RGS17: variants seen among roughly 807,000 people sequenced by gnomAD.
RGS17 encodes regulator of G protein signaling 17.
In RGS17, 12 loss-of-function variants were observed where a neutral mutation model predicts 25.5. That is an observed-to-expected ratio of 0.47 (90% confidence interval 0.30 to 0.76). The LOEUF (loss-of-function observed/expected upper bound fraction) is 0.76, where lower values mean the gene tolerates loss of function less well. Among genes scored for constraint, RGS17 ranks in the 30% least tolerant of loss-of-function variants. The pLI, the probability that RGS17 is intolerant of heterozygous loss-of-function variation, is 0.07. For synonymous variants in RGS17, 71 were observed against 76.9 expected (o/e 0.92, Z 0.40); for missense variants, 196 against 242.2 (o/e 0.81, Z 1.27).
In RGS17 at chr6:153,006,099, C is replaced by T. The variant is rs1248176470; in HGVS notation, c.*5475G>A. ...CTCCTGGGCTCAAGTGATCCTCACG[C>T]CTTAGTCTCCCAAAGTGCTGGGATT... is the stretch of plus-strand genomic sequence containing the variant. On this transcript the variant is annotated 3_prime_UTR_variant, in exon 5 of 5. Transcript: ENST00000206262. The T allele has an allele frequency of 6.6e-6, 1 of 152,186 alleles. No homozygotes were observed. Among genetic ancestry groups the T allele is most frequent in the Non-Finnish European group, 1.5e-5 (1 of 68,026 alleles). 9.4% of individuals were successfully genotyped at this position (152,186 alleles called of 1,614,324 possible).
At chr6:153,103,868 C>CA (rs1259632737) in intron 1 of RGS17, among the ~76,000 whole-genome samples, 2 of 152,164 alleles carry the variant, frequency 1.3e-5, no homozygotes, top group African/African-American at 4.8e-5. Context: ...TTAAAATTGT[C>CA]AGAGTGACCT....
intron 2 of RGS17, among the ~76,000 whole-genome samples, chr6:153,039,226 G>C (rs781220277): frequency 8.5e-5 from 13 of 152,128 alleles, no homozygotes; most frequent in African/African-American, 1.2e-4. Flanking sequence ...GTTCCACCTC[G>C]ATCCCTAATG....
rs1779111337 is a variant in RGS17, at chr6:153,009,601, T to G, written c.*1973A>C. ...TAAATGACATGAATAAAATATGTCT[T>G]AACACACTAACACTTTCAGAAAACA... On this transcript the variant is annotated 3_prime_UTR_variant, in exon 5 of 5. Transcript: ENST00000206262. 1 of 151,950 alleles carries G rather than the reference T, an allele frequency of 6.6e-6. No individual in the cohort carries two copies. The highest frequency in any genetic ancestry group is 1.5e-5 in the Non-Finnish European group (1 of 67,856). 9.4% of individuals were successfully genotyped at this position (151,950 alleles called of 1,614,324 possible). A position where few individuals can be genotyped will look rare whatever the true frequency, so the allele number is the denominator to read the frequency against.
chr6:153,041,788 G>A (rs1334631908), intron 2 of RGS17, among the ~76,000 whole-genome samples: 1 of 152,124 alleles, frequency 6.6e-6, no homozygotes, highest in Non-Finnish European at 1.5e-5. Flanking sequence ...GATAATTTTT[G>A]TGTTATAGCC....
At chr6:153,089,530 G>C (rs1179369424) in intron 1 of RGS17, among the ~76,000 whole-genome samples, 2 of 152,032 alleles carry the variant, frequency 1.3e-5, no homozygotes, top group Admixed American at 1.3e-4. Context: ...TGGTACTTTA[G>C]TCTGCGTGTA....
intron 1 of RGS17, among the ~76,000 whole-genome samples, chr6:153,080,688 G>T (rs1776963040): frequency 6.6e-6 from 1 of 151,850 alleles, no homozygotes; most frequent in South Asian, 2.1e-4. Flanking sequence ...GAAATTGTAG[G>T]TAATTGAGTT....
At chr6:153,016,596 G>A (rs755172856) in intron 4 of RGS17, among the ~76,000 whole-genome samples, 18 of 151,902 alleles carry the variant, frequency 1.2e-4, no homozygotes, top group Admixed American at 4.6e-4. Context: ...TAATTTTTTT[G>A]CAAGCTAAAA....
At chr6:153,041,614 C>G (rs1220105501) in intron 2 of RGS17, among the ~76,000 whole-genome samples, 1 of 152,250 alleles carries the variant, frequency 6.6e-6, no homozygotes, top group South Asian at 2.1e-4. Context: ...GTGTTTTAAT[C>G]CCAAAGCAAT....
At chr6:153,106,477 G>T (rs1777386283) in intron 1 of RGS17, among the ~76,000 whole-genome samples, 2 of 151,472 alleles carry the variant, frequency 1.3e-5, no homozygotes, top group African/African-American at 4.9e-5. Flanking sequence ...GGGATGAAGA[G>T]GCTGGCCCTT....
At chr6:153,031,288 T>C (rs1487164864) in intron 2 of RGS17, among the ~76,000 whole-genome samples, 1 of 152,136 alleles carries the variant, frequency 6.6e-6, no homozygotes, top group Non-Finnish European at 1.5e-5. Context: ...AAACAAAAAA[T>C]AAAAGCTTGT....
rs1562333183 is a variant in RGS17, at chr6:153,097,289, GATTTT to G, written c.-26+33830_-26+33834del. Among the ~76,000 whole-genome samples the G allele has an allele frequency of 2.5e-3, 192 of 77,272 alleles. 4 individuals carry two copies. Among genetic ancestry groups the G allele is most frequent in the African/African-American group, 8.4e-3 (174 of 20,728 alleles). The allele number at this position is 77,272 out of a possible 152,430, so 50.7% of individuals were successfully genotyped here. ...AGGGCTTAGACAATAGCGTTTTTTT[GATTTT>G]TTTTTTTTTTTTTTTTTTTTTTTTG... On this transcript the variant is annotated intron_variant, in intron 1 of 4. Transcript: ENST00000206262.
At chr6:153,037,832 T>C (rs1399979581) in intron 2 of RGS17, among the ~76,000 whole-genome samples, 1 of 152,172 alleles carries the variant, frequency 6.6e-6, no homozygotes, top group African/African-American at 2.4e-5. Flanking sequence ...ATCTATGTAA[T>C]ATAATTTTTA....
rs536138638 is a variant in RGS17, at chr6:153,045,880, A to C, written c.-25-1837T>G. ...TTTCCAATTTGGATGCCTTTTGGAT[A>C]CGTGCACCTCCATGTTGACTGCAGC... On this transcript the variant is annotated intron_variant, in intron 1 of 4. Coordinates refer to ENST00000206262, the MANE Select transcript of RGS17 (RefSeq NM_012419.5). Among the ~76,000 whole-genome samples the C allele has an allele frequency of 2.0e-5, 3 of 152,342 alleles. No individual in the cohort carries two copies. The East Asian group carries it at 5.8e-4, about 29-fold the overall frequency.
intron 1 of RGS17, among the ~76,000 whole-genome samples, chr6:153,108,050 A>ATG: frequency 6.6e-6 from 1 of 152,308 alleles, no homozygotes; most frequent in Non-Finnish European, 1.5e-5. Context: ...CCCTGAGTTC[A>ATG]TGTCAGTTAT....
At chr6:153,030,251 G>A (rs1476943846) in intron 2 of RGS17, among the ~76,000 whole-genome samples, 1 of 152,144 alleles carries the variant, frequency 6.6e-6, no homozygotes, top group Non-Finnish European at 1.5e-5. Context: ...AACATTACCT[G>A]CTGCCAATTA....
At chr6:153,096,127 G>A (rs1777207905) in intron 1 of RGS17, among the ~76,000 whole-genome samples, 1 of 152,164 alleles carries the variant, frequency 6.6e-6, no homozygotes, top group Non-Finnish European at 1.5e-5. Flanking sequence ...AGGAAGGCTG[G>A]AGTGGCTTCT....
At chr6:153,076,577 C>T (rs1776883713) in intron 1 of RGS17, among the ~76,000 whole-genome samples, 1 of 152,054 alleles carries the variant, frequency 6.6e-6, no homozygotes, top group African/African-American at 2.4e-5. Flanking sequence ...CAAGGTCTGA[C>T]ACAGAAAAAT....
intron 1 of RGS17, among the ~76,000 whole-genome samples, chr6:153,060,375 C>A (rs907111542): frequency 6.6e-6 from 1 of 152,138 alleles, no homozygotes; most frequent in Admixed American, 6.5e-5. Flanking sequence ...TTTGGTCTCA[C>A]CAGCACCTGG....
At chr6:153,037,430 CTTTT>C (rs532609053) in intron 2 of RGS17, among the ~76,000 whole-genome samples, 2 of 142,736 alleles carry the variant, frequency 1.4e-5, no homozygotes, top group Non-Finnish European at 3.1e-5. Context: ...GCATTTTTTA[CTTTT>C]TTTTTTTTTT....
Sources: gnomAD v4.1 joint callset for allele counts (sites outside exome capture counted in the v4.1 genomes callset) on GRCh38, gnomAD v4.1.1 for gene constraint, MANE v1.5 for transcripts, NCBI Gene and HGNC (gene_info 2026-07-23, HGNC 2026-07-21) for gene names.